Variants in DYNC2H1 observed in about 807,000 individuals in gnomAD.
DYNC2H1 encodes cytoplasmic dynein 2 heavy chain 1.
A neutral mutation model predicts 570.0 loss-of-function variants in DYNC2H1; 410 were observed. That is an observed-to-expected ratio of 0.72 (90% confidence interval 0.66 to 0.78). The LOEUF is 0.78. Among genes scored for constraint, DYNC2H1 ranks in the 30% least tolerant of loss-of-function variants. DYNC2H1 has a pLI of 0.00. For missense variants in DYNC2H1, 4,865 were observed against 5,046.4 expected, an observed-to-expected ratio of 0.96 and a Z score of 1.09; for synonymous variants, 1,688 against 1,677.6, an observed-to-expected ratio of 1.01 and a Z score of -0.15.
intron 17 of DYNC2H1, among the ~76,000 whole-genome samples, chr11:103,141,223 G>A (rs566951472): frequency 1.5e-4 from 23 of 152,236 alleles, no homozygotes; most frequent in South Asian, 4.1e-4. Context: ...GTCATTCTCC[G>A]TCCAGCTTTG....
At position 103,185,516 on chromosome 11, in the gene DYNC2H1, T is replaced by A. The variant is rs1191772806; in HGVS notation, c.6633+465T>A. Among the ~76,000 whole-genome samples the A allele has an allele frequency of 6.6e-6, 1 of 151,936 alleles. No individual in the cohort carries two copies. The highest frequency in any genetic ancestry group is 1.9e-4 in the East Asian group (1 of 5,198). ...GTTGTTTATAAAGCTGAATTCTAAA[T>A]AATAAGTGATTTTTTTTCCAATTGA... On this transcript the variant is annotated intron_variant, in intron 41 of 88. Transcript: ENST00000375735. The surrounding 1 kb of genome is among the most constrained non-coding windows in gnomAD (Gnocchi z 4.5).
chr11:103,208,594 A>T (rs1214703766), intron 52 of DYNC2H1, among the ~76,000 whole-genome samples: 2 of 152,090 alleles, frequency 1.3e-5, no homozygotes, highest in African/African-American at 2.4e-5. Context: ...CAGATTGGGG[A>T]CAGTTAAGGA....
chr11:103,116,166 A>G (rs1049140557), intron 4 of DYNC2H1, among the ~76,000 whole-genome samples: 2 of 152,204 alleles, frequency 1.3e-5, no homozygotes, highest in Non-Finnish European at 2.9e-5. Flanking sequence ...AGCATGACAA[A>G]TCTGGACTGT....
At position 103,297,289 on chromosome 11, in the gene DYNC2H1, ATG is replaced by A. The variant is rs1264366316; in HGVS notation, c.11096-5800_11096-5799del. Reference sequence around the variant, plus strand: ...AATCCAAAACCCCAAAAGTACAGTCATGTGTTGTTAAACAGTTAACAGTTTAG... The same window carrying A: ...AATCCAAAACCCCAAAAGTACAGTCATGTTGTTAAACAGTTAACAGTTTAG... On this transcript the variant is annotated intron_variant, in intron 75 of 88. Transcript: ENST00000375735. 2.6e-5 allele frequency among the ~76,000 whole-genome samples: 4 copies of A among 152,250 alleles called. No homozygotes were observed. The East Asian group carries it at 7.7e-4, about 29-fold the overall frequency.
chr11:103,455,392 AATTT>A, intron 86 of DYNC2H1, 97 bp downstream of exon 86: 1 of 895,436 alleles, frequency 1.1e-6, no homozygotes, highest in South Asian at 1.5e-5. Flanking sequence ...TCAAGAAATA[AATTT>A]ATTATTGAAA....
intron 83 of DYNC2H1, among the ~76,000 whole-genome samples, chr11:103,368,534 T>G (rs961791809): frequency 6.6e-6 from 1 of 152,178 alleles, no homozygotes; most frequent in Non-Finnish European, 1.5e-5. Flanking sequence ...TCTCCCATTC[T>G]GTAGGTTAAC....
intron 59 of DYNC2H1, among the ~76,000 whole-genome samples, chr11:103,223,620 A>G (rs560659485): frequency 9.9e-5 from 15 of 151,866 alleles, no homozygotes; most frequent in African/African-American, 3.4e-4. Context: ...TCCTGACCTC[A>G]GGTGATTCAC....
At chr11:103,421,173 A>G (rs759843488) in intron 84 of DYNC2H1, among the ~76,000 whole-genome samples, 7 of 152,240 alleles carry the variant, frequency 4.6e-5, no homozygotes, top group Non-Finnish European at 8.8e-5. Flanking sequence ...CAACATGAAG[A>G]GCTAACTATC....
chr11:103,445,909 T>C (rs1162808785), intron 85 of DYNC2H1, among the ~76,000 whole-genome samples: 3 of 152,062 alleles, frequency 2.0e-5, no homozygotes, highest in African/African-American at 7.2e-5. Context: ...GCCTCGGCCT[T>C]CCAAACTGCT....
At position 103,277,615 on chromosome 11, in the gene DYNC2H1, G is replaced by A. The variant is rs1314977383; in HGVS notation, c.10696-2733G>A. ...ATTGTTTTCTCCTGCTGATAATTTT[G>A]GACCGTGAACCCATCTTCAGTGATA... On this transcript the variant is annotated intron_variant, in intron 70 of 88. Transcript: ENST00000375735. The surrounding 1 kb of genome is among the most constrained non-coding windows in gnomAD (Gnocchi z 4.3). 6.6e-6 allele frequency among the ~76,000 whole-genome samples: 1 copy of A among 151,966 alleles called. No individual in the cohort carries two copies. Among genetic ancestry groups the A allele is most frequent in the African/African-American group, 2.4e-5 (1 of 41,378 alleles).
chr11:103,470,864 C>A (rs1010968774), intron 88 of DYNC2H1, among the ~76,000 whole-genome samples: 9 of 152,078 alleles, frequency 5.9e-5, no homozygotes, highest in Non-Finnish European at 1.0e-4. Context: ...TCAATAGTGC[C>A]GCTATAAACA....
intron 17 of DYNC2H1, among the ~76,000 whole-genome samples, chr11:103,137,630 C>G (rs2134792822): frequency 6.6e-6 from 1 of 152,104 alleles, no homozygotes; most frequent in East Asian, 1.9e-4. Context: ...GTTACTGTAG[C>G]CTTGTAGTAT....
intron 70 of DYNC2H1, among the ~76,000 whole-genome samples, chr11:103,270,296 C>T (rs774422983): frequency 4.0e-5 from 6 of 151,686 alleles, no homozygotes; most frequent in Admixed American, 1.3e-4. Context: ...GGATACAATC[C>T]AAGACACCCC....
In DYNC2H1 at chr11:103,181,241, C is replaced by G. The variant is rs989843367; in HGVS notation, c.6348-516C>G. Among the ~76,000 whole-genome samples the G allele has an allele frequency of 6.6e-6, 1 of 151,468 alleles. No homozygotes were observed. Among genetic ancestry groups the G allele is most frequent in the Non-Finnish European group, 1.5e-5 (1 of 67,600 alleles). Reference sequence around the variant, plus strand: ...TTTATAGGATAGAGAAAAAGTGTTTCTAAAGATCTGTATTACAGTTTAGAT... The same window carrying G: ...TTTATAGGATAGAGAAAAAGTGTTTGTAAAGATCTGTATTACAGTTTAGAT... On this transcript the variant is annotated intron_variant, in intron 39 of 88. Transcript: ENST00000375735. The surrounding 1 kb of genome is among the most constrained non-coding windows in gnomAD (Gnocchi z 5.0).
rs1037139452 is a variant in DYNC2H1 at position 103,220,619 on chromosome 11, T to G, written c.8947-4T>G. 1 of 1,590,710 alleles carries G rather than the reference T, an allele frequency of 6.3e-7. No individual in the cohort carries two copies. The highest frequency in any genetic ancestry group is 8.5e-7 in the Non-Finnish European group (1 of 1,170,194). Reference sequence around the variant, plus strand: ...AAGATAAAAATGGCCTTTTTCTCTTTTAGCCTTTAGTCAATGAAGCTAAAC... The same window carrying G: ...AAGATAAAAATGGCCTTTTTCTCTTGTAGCCTTTAGTCAATGAAGCTAAAC... On this transcript the variant is annotated splice_polypyrimidine_tract_variant and splice_region_variant and intron_variant, in intron 56 of 88. Transcript: ENST00000375735.
Position 103,154,564 on chromosome 11 carries a change from A to G in DYNC2H1, c.3416A>G (p.Gln1139Arg). 6.2e-7 allele frequency: 1 copy of G among 1,602,672 alleles called. No individual in the cohort carries two copies. Among genetic ancestry groups the G allele is most frequent in the South Asian group, 1.1e-5 (1 of 88,552 alleles). ...QIWAFYEEFQ[Q>R]GFQEMANEDW... ...TGGGCCTTTTATGAAGAGTTTCAAC[A>G]AGGATTTCAGGAAATGGCCAATGAA... The change falls in exon 23 of 89, where the codon CAA (glutamine) becomes CGA (arginine). Residue 1139 changes from glutamine to arginine, a missense_variant. Coordinates refer to ENST00000375735, the MANE Select transcript of DYNC2H1 (RefSeq NM_001377.3).
At chr11:103,451,819 T>C (rs1297789727) in intron 85 of DYNC2H1, among the ~76,000 whole-genome samples, 2 of 152,210 alleles carry the variant, frequency 1.3e-5, no homozygotes, top group Non-Finnish European at 2.9e-5. Flanking sequence ...GAAGATGATA[T>C]CTTGTTTCTA....
chr11:103,332,610 A>T (rs1757139385), intron 82 of DYNC2H1, among the ~76,000 whole-genome samples: 1 of 152,218 alleles, frequency 6.6e-6, no homozygotes, highest in Admixed American at 6.5e-5. Flanking sequence ...AAGCCATTCA[A>T]GTCAGAAGAT....
Position 103,197,943 on chromosome 11 carries a change from C to T in DYNC2H1, c.7719C>T (p.Tyr2573=), listed in dbSNP as rs373903792. 9.8e-5 allele frequency: 153 copies of T among 1,569,182 alleles called. No homozygotes were observed. The highest frequency in any genetic ancestry group is 6.2e-4 in the Admixed American group (33 of 53,478). Residue 2573 remains tyrosine, a synonymous_variant, in exon 48 of 89, where the codon TAC becomes TAT. Transcript: ENST00000375735. ...CATTTATTTCCACAGATAGTTTCTA[C>T]GTTACATGGGGAGCTCGGCATAATT... is the stretch of plus-strand genomic sequence containing the variant. The part of the protein sequence containing the change: ...DILDNMSDSF[Y]VTWGARHNSG...
Sources: allele counts gnomAD v4.1 joint callset (sites outside exome capture counted in the v4.1 genomes callset), GRCh38; gene constraint gnomAD v4.1.1; non-coding constraint Gnocchi (gnomAD v3.1); transcripts MANE v1.5; gene names NCBI Gene and HGNC (gene_info 2026-07-23, HGNC 2026-07-21).